Variants in RBFOX1 observed in about 807,000 individuals in gnomAD.
The protein encoded by RBFOX1 is RNA binding fox-1 homolog 1, also known as RNA binding protein fox-1 homolog 1.
RBFOX1 carries 8 observed loss-of-function variants against 57.7 expected under a neutral mutation model. That is an observed-to-expected ratio of 0.14 (90% confidence interval 0.08 to 0.25). RBFOX1 has a LOEUF of 0.25. RBFOX1 is among the 10% of genes least tolerant of loss of function. The probability of loss-of-function intolerance (pLI) is 1.00; values close to 1 mark genes in which losing one functional copy is unlikely to be tolerated. For missense variants in RBFOX1, 611 were observed against 548.5 expected (o/e 1.11, Z -1.14); for synonymous variants, 326 against 222.4 (o/e 1.47, Z -4.15).
At chr16:7,122,703 C>G (rs922466348) in intron 4 of RBFOX1, among the ~76,000 whole-genome samples, 1 of 152,084 alleles carries the variant, frequency 6.6e-6, no homozygotes, top group African/African-American at 2.4e-5. Context: ...TAGAGCCTAG[C>G]AATCCTACTC....
At chr16:6,997,558 A>G (rs1334076085) in intron 3 of RBFOX1, among the ~76,000 whole-genome samples, 1 of 152,188 alleles carries the variant, frequency 6.6e-6, no homozygotes, top group Admixed American at 6.5e-5. Flanking sequence ...ATGTGTATGC[A>G]AATTGCACAG....
In RBFOX1 at chr16:5,643,632, G is replaced by A. The variant is rs771665786; in HGVS notation, c.318+44671G>A. 1.2e-4 allele frequency among the ~76,000 whole-genome samples: 19 copies of A among 152,170 alleles called. 1 individual carries two copies. The highest frequency in any genetic ancestry group is 9.8e-4 in the Admixed American group (15 of 15,270). On this transcript the variant is annotated intron_variant, in intron 3 of 19. Transcript: ENST00000641259. ...TTTTTAGGTACAGAGTCTTCCTGCA[G>A]CATTTAAATTATGATTTGATGTAGG...
At chr16:7,579,702 T>C (rs1410438265) in intron 5 of RBFOX1, 75 bp from the exon 6 acceptor site, 9 of 1,570,118 alleles carry the variant, frequency 5.7e-6, no homozygotes, top group East Asian at 2.3e-5. Flanking sequence ...CTGCCACTCA[T>C]GGCAAGCAAA....
chr16:6,137,897 C>G (rs755048120), intron 1 of RBFOX1, among the ~76,000 whole-genome samples: 1 of 152,032 alleles, frequency 6.6e-6, no homozygotes, highest in African/African-American at 2.4e-5. Context: ...GACATGAACC[C>G]GTACACCAGG....
rs540095085 is a variant in RBFOX1, at chr16:7,284,192, G to A, written c.27+232094G>A. Among the ~76,000 whole-genome samples the A allele has an allele frequency of 4.6e-5, 7 of 152,338 alleles. No homozygotes were observed. The South Asian group carries it at 1.4e-3, about 32-fold the overall frequency. On this transcript the variant is annotated intron_variant, in intron 4 of 15. Transcript: ENST00000550418. ...TATTCACTAGTTGAAGGGCGGTTGTGTTGTTTCCAGTTTTTGCTGATTATG... is the reference window on the plus strand; with the variant it reads ...TATTCACTAGTTGAAGGGCGGTTGTATTGTTTCCAGTTTTTGCTGATTATG...
At chr16:6,155,789 T>A (rs1597863830) in intron 1 of RBFOX1, among the ~76,000 whole-genome samples, 1 of 152,074 alleles carries the variant, frequency 6.6e-6, no homozygotes, top group African/African-American at 2.4e-5. Context: ...GTGGCAATGT[T>A]TTTTTTTGGA....
chr16:6,325,266 G>C (rs1175434794), intron 2 of RBFOX1, among the ~76,000 whole-genome samples: 1 of 152,162 alleles, frequency 6.6e-6, no homozygotes, highest in Non-Finnish European at 1.5e-5. Context: ...AGCTGAGGCA[G>C]GAGGATCACA....
chr16:6,293,729 A>G (rs896455930), intron 1 of RBFOX1, among the ~76,000 whole-genome samples: 1 of 141,206 alleles, frequency 7.1e-6, no homozygotes, highest in Non-Finnish European at 1.6e-5. Context: ...TACTGAGAAA[A>G]GGTACTTGAT....
At chr16:6,526,220 G>A (rs988429233) in intron 2 of RBFOX1, among the ~76,000 whole-genome samples, 2 of 152,124 alleles carry the variant, frequency 1.3e-5, no homozygotes, top group African/African-American at 4.8e-5. Context: ...AAAAAGAGGG[G>A]GCTCACCCCA....
chr16:7,228,344 T>C (rs919612543), intron 4 of RBFOX1, among the ~76,000 whole-genome samples: 3 of 152,174 alleles, frequency 2.0e-5, no homozygotes, highest in Non-Finnish European at 4.4e-5. Flanking sequence ...AGGGTTCCTT[T>C]TTATCTTCTC....
chr16:6,627,772 C>G (rs1223235452), intron 2 of RBFOX1, among the ~76,000 whole-genome samples: 2 of 152,134 alleles, frequency 1.3e-5, no homozygotes, highest in African/African-American at 4.8e-5. Context: ...CAGGTCGAAA[C>G]TGAAGCCAAT....
intron 3 of RBFOX1, among the ~76,000 whole-genome samples, chr16:6,744,860 A>C (rs1174346294): frequency 6.6e-6 from 1 of 152,078 alleles, no homozygotes; most frequent in Non-Finnish European, 1.5e-5. Flanking sequence ...TAAAACAGGT[A>C]GTAGGCCAAA....
chr16:7,003,015 C>CT (rs201463368), intron 3 of RBFOX1, among the ~76,000 whole-genome samples: 85 of 146,700 alleles, frequency 5.8e-4, no homozygotes, highest in South Asian at 4.7e-3. Flanking sequence ...TCTTGGTGGT[C>CT]TTTTTTTTTC....
chr16:7,133,793 ATGAC>A (rs1004725344), intron 4 of RBFOX1, among the ~76,000 whole-genome samples: 6 of 152,214 alleles, frequency 3.9e-5, no homozygotes, highest in African/African-American at 9.6e-5. Flanking sequence ...AAAAAAAAGA[ATGAC>A]TGACACAGCT....
chr16:5,557,074 A>C (rs1470221945), intron 2 of RBFOX1, among the ~76,000 whole-genome samples: 1 of 152,008 alleles, frequency 6.6e-6, no homozygotes, highest in Non-Finnish European at 1.5e-5. Flanking sequence ...CCTAGTTAAC[A>C]CAGTGAAACC....
intron 3 of RBFOX1, among the ~76,000 whole-genome samples, chr16:6,869,501 G>A (rs918738278): frequency 6.6e-6 from 1 of 151,282 alleles, no homozygotes; most frequent in African/African-American, 2.4e-5. Context: ...AATGCCCTGA[G>A]TTTTTCAACA....
chr16:5,605,110 C>T (rs1046619157), downstream of RBFOX1, among the ~76,000 whole-genome samples: 1 of 152,200 alleles, frequency 6.6e-6, no homozygotes, highest in African/African-American at 2.4e-5. Flanking sequence ...CTTGTCCTTT[C>T]TGCTCTGGCT....
At chr16:6,299,485 C>A (rs963458586) in intron 1 of RBFOX1, among the ~76,000 whole-genome samples, 1 of 152,098 alleles carries the variant, frequency 6.6e-6, no homozygotes, top group East Asian at 1.9e-4. Context: ...GGTCACAGCG[C>A]CAGCACATGG....
intron 4 of RBFOX1, among the ~76,000 whole-genome samples, chr16:7,173,465 T>C (rs1015009096): frequency 2.0e-5 from 3 of 152,176 alleles, no homozygotes; most frequent in Non-Finnish European, 4.4e-5. Context: ...TTCGAATGTT[T>C]TGTGTGAACA....
Sources: allele counts gnomAD v4.1 joint callset (sites outside exome capture counted in the v4.1 genomes callset), GRCh38; gene constraint gnomAD v4.1.1; transcripts MANE v1.5; gene names NCBI Gene and HGNC (gene_info 2026-07-23, HGNC 2026-07-21).